Variants in STAB2 observed in about 807,000 individuals in gnomAD.
The protein encoded by STAB2 is stabilin-2.
Under a neutral mutation model 338.1 loss-of-function variants are expected in STAB2, and 288 were observed. The observed-to-expected ratio is 0.85, with a 90% CI of 0.77 to 0.94. The LOEUF (loss-of-function observed/expected upper bound fraction) is 0.94. STAB2 is among the 40% of genes least tolerant of loss of function. STAB2 has a pLI of 0.00. For missense variants in STAB2, 3,141 were observed against 3,210.1 expected (o/e 0.98, Z 0.52); for synonymous variants, 1,202 against 1,193.3 (o/e 1.01, Z -0.15).
intron 2 of STAB2, 129 bp downstream of exon 2, chr12:103,591,159 C>T (rs2138526987): frequency 8.0e-7 from 1 of 1,244,408 alleles, no homozygotes; most frequent in Non-Finnish European, 1.1e-6. Context: ...AGGTAACTCA[C>T]AATTTATGAA....
intron 3 of STAB2, among the ~76,000 whole-genome samples, chr12:103,616,360 T>G (rs1957210722): frequency 6.6e-6 from 1 of 152,026 alleles, no homozygotes; most frequent in Non-Finnish European, 1.5e-5. Context: ...GAAAGGGTCT[T>G]TGAAGGTGGG....
chr12:103,714,118 T>C (rs750321766), intron 42 of STAB2, among the ~76,000 whole-genome samples: 49 of 152,332 alleles, frequency 3.2e-4, no homozygotes, highest in Non-Finnish European at 5.1e-4. Context: ...AGTGCTCTTA[T>C]TATTGTCATT....
chr12:103,700,148 G>C (rs1593253062), intron 34 of STAB2, among the ~76,000 whole-genome samples: 1 of 152,124 alleles, frequency 6.6e-6, no homozygotes, highest in Non-Finnish European at 1.5e-5. Context: ...TCATAGAAAA[G>C]AATTCATGAG....
chr12:103,689,045 T>A (rs1043288317), intron 28 of STAB2, among the ~76,000 whole-genome samples: 4 of 151,922 alleles, frequency 2.6e-5, no homozygotes, highest in Non-Finnish European at 4.4e-5. Flanking sequence ...ATCCAGTTGT[T>A]AAACATGCCA....
intron 45 of STAB2, among the ~76,000 whole-genome samples, chr12:103,725,715 C>A (rs1881145383): frequency 6.6e-6 from 1 of 152,136 alleles, no homozygotes; most frequent in African/African-American, 2.4e-5. Context: ...ATATTTGCAG[C>A]TTTCTATTAT....
intron 1 of STAB2, among the ~76,000 whole-genome samples, 175 bp downstream of exon 1, chr12:103,587,732 T>C (rs1000824024): frequency 1.3e-5 from 2 of 152,274 alleles, no homozygotes; most frequent in African/African-American, 4.8e-5. Context: ...GAAGGTGTGC[T>C]AACCCACTTG....
intron 3 of STAB2, among the ~76,000 whole-genome samples, chr12:103,596,218 A>G (rs1468614144): frequency 6.6e-6 from 1 of 152,252 alleles, no homozygotes; most frequent in Non-Finnish European, 1.5e-5. Flanking sequence ...GATACAATAG[A>G]AAGAACTTTT....
intron 22 of STAB2, among the ~76,000 whole-genome samples, chr12:103,672,597 G>A (rs1043001233): frequency 3.3e-5 from 5 of 152,076 alleles, no homozygotes; most frequent in African/African-American, 7.2e-5. Context: ...GCACCCACAC[G>A]AATTCCTCTC....
At position 103,633,869 on chromosome 12, in the gene STAB2, A is replaced by C. The variant is rs545276489; in HGVS notation, c.583+2176A>C. Among the ~76,000 whole-genome samples, 11 of 152,328 alleles carry C rather than the reference A, an allele frequency of 7.2e-5. No homozygotes were observed. In the East Asian group the frequency reaches 2.1e-3, roughly 29 times the overall value. ...TGGGTATGAGAAAAATGACAGTAAG[A>C]ATGTGGATTCCTACAACCTACGGGA... On this transcript the variant is annotated intron_variant, in intron 6 of 68. Transcript: ENST00000388887.
rs773964318 is a variant in STAB2, at chr12:103,735,590, A to G, written c.5550+10A>G. On this transcript the variant is annotated intron_variant, in intron 52 of 68. Transcript: ENST00000388887. ...AGCTGGCAGGGACATCGTGAGTATC[A>G]TCATGAAGGGTGGGCAGGGAGGGGT... is the stretch of plus-strand genomic sequence containing the variant. 2.7e-6 allele frequency: 4 copies of G among 1,507,500 alleles called. No individual in the cohort carries two copies. The highest frequency in any genetic ancestry group is 1.4e-5 in the African/African-American group (1 of 72,314). The allele number at this position is 1,507,500 out of a possible 1,614,324, so 93.4% of individuals were successfully genotyped here.
At chr12:103,705,785 T>C in intron 37 of STAB2, 58 bp downstream of exon 37, 1 of 1,517,482 alleles carries the variant, frequency 6.6e-7, no homozygotes, top group Non-Finnish European at 9.2e-7. Context: ...AAATCCATCA[T>C]ATGGTATCCT....
rs1477282741 is a variant in STAB2, at chr12:103,667,583, C to CT, written c.2086-1060_2086-1059insT. Among the ~76,000 whole-genome samples, 12 of 152,256 alleles carry CT rather than the reference C, an allele frequency of 7.9e-5. No homozygotes were observed. The South Asian group carries it at 1.2e-3, about 16-fold the overall frequency. ...GGAAATTAGACACATGGGTAGGAGC[C>CT]AAAAGAAGCCCTCAAATCACCCATC... On this transcript the variant is annotated intron_variant, in intron 19 of 68. Coordinates refer to ENST00000388887, the MANE Select transcript of STAB2 (RefSeq NM_017564.10).
At chr12:103,714,065 T>C (rs1419698114) in intron 42 of STAB2, among the ~76,000 whole-genome samples, 1 of 152,370 alleles carries the variant, frequency 6.6e-6, no homozygotes, top group Admixed American at 6.5e-5. Flanking sequence ...ATGCTCACTG[T>C]AGAAAAAGAA....
intron 3 of STAB2, among the ~76,000 whole-genome samples, chr12:103,615,028 G>A (rs527507360): frequency 7.2e-5 from 11 of 152,248 alleles, no homozygotes; most frequent in Middle Eastern, 3.4e-3. Context: ...TTGCCAAACC[G>A]TACACTCTAG....
chr12:103,705,737 A>G lies in STAB2; in HGVS notation c.3996+10A>G, dbSNP rs777577394. The G allele has an allele frequency of 6.2e-6, 10 of 1,613,130 alleles. No individual in the cohort carries two copies. In the South Asian group the frequency reaches 8.8e-5, roughly 14 times the overall value. ...TGTGAGAACCGTCATTGTGAGTACAATAATTGAATCATACTAACTACTGCA... is the reference window on the plus strand; with the variant it reads ...TGTGAGAACCGTCATTGTGAGTACAGTAATTGAATCATACTAACTACTGCA... On this transcript the variant is annotated intron_variant, in intron 37 of 68. Transcript: ENST00000388887.
intron 59 of STAB2, among the ~76,000 whole-genome samples, chr12:103,749,841 C>CCAAAAAAA (rs1378859906): frequency 2.0e-5 from 1 of 51,132 alleles, no homozygotes; most frequent in East Asian, 6.3e-4. Flanking sequence ...CTCTGTCTCA[C>CCAAAAAAA]AAAAAAAAAA....
intron 57 of STAB2, 98 bp from the exon 58 acceptor site, chr12:103,746,499 A>G (rs1883041119): frequency 1.8e-6 from 2 of 1,112,456 alleles, no homozygotes; most frequent in African/African-American, 3.1e-5. Context: ...ACTTATGAAC[A>G]CAGTGGTCGT....
At position 103,615,226 on chromosome 12, in the gene STAB2, A is replaced by T. The variant is rs187259976; in HGVS notation, c.332-5242A>T. Among the ~76,000 whole-genome samples, 577 of 144,818 alleles carry T rather than the reference A, an allele frequency of 4.0e-3. 6 individuals carry two copies. The highest frequency in any genetic ancestry group is 0.015 in the African/African-American group (558 of 36,930). ...AGGGCTTCCAAAAGGGAGATGTCAG[A>T]CAGGGCTAGAGATACAAGAGATTAC... On this transcript the variant is annotated intron_variant, in intron 3 of 68. Coordinates refer to ENST00000388887, the MANE Select transcript of STAB2 (RefSeq NM_017564.10).
chr12:103,715,872 A>G lies in STAB2; in HGVS notation c.4595A>G (p.Gln1532Arg). ...GGCDKNAECTQTGPNQAACNC... is the reference protein window; with the variant it reads ...GGCDKNAECTRTGPNQAACNC... The stretch of plus-strand genomic sequence containing the variant: ...TGTGACAAGAATGCGGAGTGCACAC[A>G]GACAGGACCCAACCAGGTGAGTGCC... The change falls in exon 43 of 69, where the codon CAG becomes CGG. Residue 1532 changes from glutamine (Q) to arginine (R), a missense_variant. Transcript: ENST00000388887. 6.2e-7 allele frequency: 1 copy of G among 1,614,060 alleles called. No individual in the cohort carries two copies. Among genetic ancestry groups the G allele is most frequent in the Non-Finnish European group, 8.5e-7 (1 of 1,179,950 alleles).
Sources: allele counts gnomAD v4.1 joint callset (sites outside exome capture counted in the v4.1 genomes callset), GRCh38; gene constraint gnomAD v4.1.1; transcripts MANE v1.5; gene names NCBI Gene and HGNC (gene_info 2026-07-23, HGNC 2026-07-21).